STAB1: variants seen among roughly 807,000 people sequenced by gnomAD.
STAB1 encodes stabilin-1.
STAB1 carries 250 observed loss-of-function variants against 332.4 expected under a neutral mutation model. The observed-to-expected ratio is 0.75, with a 90% CI of 0.68 to 0.84. The LOEUF (loss-of-function observed/expected upper bound fraction) is 0.84, where lower values mean the gene tolerates loss of function less well. Ranked by LOEUF, STAB1 falls within the 40% of genes least tolerant of loss-of-function variation. The pLI, the probability that STAB1 is intolerant of heterozygous loss-of-function variation, is 0.00. For missense variants in STAB1, 3,249 were observed against 3,489.7 expected (o/e 0.93, Z 1.74); for synonymous variants, 1,475 against 1,390.4 (o/e 1.06, Z -1.35).
At position 52,512,947 on chromosome 3, in the gene STAB1, G is replaced by A. The variant is rs573347386; in HGVS notation, c.3147G>A (p.Pro1049=). Residue 1049 remains proline, a synonymous_variant, in exon 29 of 69, where the codon CCG becomes CCA. Coordinates refer to ENST00000321725, the MANE Select transcript of STAB1 (RefSeq NM_015136.3). The part of the protein sequence containing the change: ...RAFWLQPRTL[P]NLVRAHFLQG... ...TCTGGCTGCAGCCAAGGACGCTGCC[G>A]AACCTGGTCAGGTGGGGCCGCCATT... 2.4e-5 allele frequency: 38 copies of A among 1,609,822 alleles called. No individual in the cohort carries two copies. The highest frequency in any genetic ancestry group is 3.1e-5 in the Non-Finnish European group (36 of 1,178,552).
rs1708754094 is a variant in STAB1 at position 52,505,139 on chromosome 3, C to A, written c.1514C>A (p.Pro505His). 1.2e-6 allele frequency: 2 copies of A among 1,612,786 alleles called. No homozygotes were observed. The highest frequency in any genetic ancestry group is 1.7e-6 in the Non-Finnish European group (2 of 1,179,746). ...GCCCCCTCTGGGACCCCTGGGGATCCCAAGGTGAGCCAGCATCCTCCCCTC... is the reference window on the plus strand; with the variant it reads ...GCCCCCTCTGGGACCCCTGGGGATCACAAGGTGAGCCAGCATCCTCCCCTC... ...WQAPSGTPGD[P>H]KRTIGQILAS... The change falls in exon 13 of 69, where the codon CCC becomes CAC. Residue 505 changes from proline to histidine, a missense_variant. Pro to His is a moderately conservative substitution (Grantham distance 77). Coordinates refer to ENST00000321725, the MANE Select transcript of STAB1 (RefSeq NM_015136.3).
intron 36 of STAB1, 90 bp downstream of exon 36, chr3:52,515,135 T>C: frequency 6.6e-7 from 1 of 1,507,276 alleles, no homozygotes; most frequent in Non-Finnish European, 9.0e-7. Flanking sequence ...CAGCCCAGTT[T>C]TGCTTGGCCC....
rs1255159174 is a variant in STAB1 at position 52,511,754 on chromosome 3, G to A, written c.2883+9G>A. On this transcript the variant is annotated intron_variant, in intron 26 of 68. Transcript: ENST00000321725. Reference sequence around the variant, plus strand: ...GCGGCTGCCACGGCCTGGTAAGGGGGTGCAAGGCTCAGAGCCCTGGGGAAG... The same window carrying A: ...GCGGCTGCCACGGCCTGGTAAGGGGATGCAAGGCTCAGAGCCCTGGGGAAG... 5 of 1,571,864 alleles carry A rather than the reference G, an allele frequency of 3.2e-6. No individual in the cohort carries two copies. The highest frequency in any genetic ancestry group is 2.3e-5 in the East Asian group (1 of 43,098).
rs1439084197 is a variant in STAB1 at position 52,501,210 on chromosome 3, T to G, written c.123T>G (p.His41Gln). Reference sequence around the variant, plus strand: ...ATGTGAAAACCACGTTTGTCACTCATGTACCCTGCACCTCGTGCGCGGCCA... The same window carrying G: ...ATGTGAAAACCACGTTTGTCACTCAGGTACCCTGCACCTCGTGCGCGGCCA... The part of the protein sequence containing the change: ...GCDVKTTFVT[H>Q]VPCTSCAAIK... The change falls in exon 2 of 69, where the codon CAT becomes CAG. Residue 41 changes from histidine (H) to glutamine (Q), a missense_variant. Coordinates refer to ENST00000321725, the MANE Select transcript of STAB1 (RefSeq NM_015136.3). 2 of 1,613,644 alleles carry G rather than the reference T, an allele frequency of 1.2e-6. No homozygotes were observed. Among genetic ancestry groups the G allele is most frequent in the East Asian group, 2.2e-5 (1 of 44,882 alleles).
rs753063801 is a variant in STAB1, at chr3:52,510,210, C to T, written c.2603C>T (p.Pro868Leu). 242 of 1,614,036 alleles carry T rather than the reference C, an allele frequency of 1.5e-4. 1 individual carries two copies. Among genetic ancestry groups the T allele is most frequent in the East Asian group, 5.3e-4 (24 of 44,886 alleles). The change falls in exon 24 of 69, where the codon CCG (proline) becomes CTG (leucine). Residue 868 changes from proline (P) to leucine (L), a missense_variant. Transcript: ENST00000321725. ...ACACCTAGCAACCCCTGCTCCCACC[C>T]GGACCGTGGAGGCTGCTCAGAGAAT... ...SCTPSNPCSH[P>L]DRGGCSENAE...
At position 52,505,872 on chromosome 3, in the gene STAB1, TCC is replaced by T; in HGVS notation, c.1696-8_1696-7del. ...TCCTCCAGGAGCCAAACCCTCTCTC[TCC>T]CCTGCCAGGGTCTCTCTAAACTGCA... is the stretch of plus-strand genomic sequence containing the variant. On this transcript the variant is annotated splice_polypyrimidine_tract_variant and intron_variant, in intron 15 of 68. Transcript: ENST00000321725. The T allele has an allele frequency of 6.2e-7, 1 of 1,613,764 alleles. No homozygotes were observed. The highest frequency in any genetic ancestry group is 2.2e-5 in the East Asian group (1 of 44,880).
chr3:52,516,751 A>G lies in STAB1; in HGVS notation c.4346A>G (p.Asn1449Ser), dbSNP rs1371251792. Residue 1449 changes from asparagine to serine, a missense_variant, in exon 41 of 69, where the codon AAT (asparagine) becomes AGT (serine). Coordinates refer to ENST00000321725, the MANE Select transcript of STAB1 (RefSeq NM_015136.3). ...TCACAAGYSG[N>S]GIFCSEVDPC... ...GCCTGTGCTGCGGGATACTCCGGCA[A>G]TGGCATCTTCTGTTCAGGTCCAGCC... is the stretch of plus-strand genomic sequence containing the variant. 1.2e-6 allele frequency: 2 copies of G among 1,610,378 alleles called. No individual in the cohort carries two copies. Among genetic ancestry groups the G allele is most frequent in the African/African-American group, 1.3e-5 (1 of 74,836 alleles).
Position 52,514,798 on chromosome 3 carries a change from G to C in STAB1, c.3776G>C (p.Arg1259Pro). 6.2e-7 allele frequency: 1 copy of C among 1,612,778 alleles called. No individual in the cohort carries two copies. The highest frequency in any genetic ancestry group is 8.5e-7 in the Non-Finnish European group (1 of 1,179,972). The change falls in exon 35 of 69, where the codon CGC (arginine) becomes CCC (proline). Residue 1259 changes from arginine to proline, a missense_variant. Arg to Pro is a moderately radical substitution (Grantham distance 103). Transcript: ENST00000321725. Reference sequence around the variant, plus strand: ...GGGGTCCTGACGGTGGGCTCAAGTCGCTGCCTGCATAGCCACGCTGAGGCC... The same window carrying C: ...GGGGTCCTGACGGTGGGCTCAAGTCCCTGCCTGCATAGCCACGCTGAGGCC... ...LSGVLTVGSSRCLHSHAEALR... is the reference protein window; with the variant it reads ...LSGVLTVGSSPCLHSHAEALR...
intron 28 of STAB1, 67 bp downstream of exon 28, chr3:52,512,710 C>T (rs1360479692): frequency 9.9e-6 from 16 of 1,611,502 alleles, no homozygotes; most frequent in Non-Finnish European, 1.4e-5. Context: ...TGGAGGGGTG[C>T]CATATAACAT....
intron 18 of STAB1, among the ~76,000 whole-genome samples, chr3:52,507,097 T>A (rs901005964): frequency 2.0e-5 from 3 of 152,208 alleles, no homozygotes; most frequent in Non-Finnish European, 2.9e-5. Flanking sequence ...TAGGCTGGAG[T>A]GCAGTGGCAC....
chr3:52,508,294 T>A lies in STAB1; in HGVS notation c.2170T>A (p.Phe724Ile). The A allele has an allele frequency of 6.2e-7, 1 of 1,613,346 alleles. No individual in the cohort carries two copies. Among genetic ancestry groups the A allele is most frequent in the Non-Finnish European group, 8.5e-7 (1 of 1,179,526 alleles). ...ATAGGAACAAGGCTGCTGCAAAGGT[T>A]TTTTCGGGCCTGACTGCACGCAGTG... ...TIMEQGCCKG[F>I]FGPDCTQCPG... is the part of the protein sequence containing the mutation. The change falls in exon 21 of 69, where the codon TTT becomes ATT. Residue 724 changes from phenylalanine to isoleucine, a missense_variant. Phe to Ile is a conservative substitution (Grantham distance 21). Transcript: ENST00000321725.
At chr3:52,501,894 C>G in intron 3 of STAB1, 112 bp from the exon 4 acceptor site, 1 of 1,453,942 alleles carries the variant, frequency 6.9e-7, no homozygotes. Flanking sequence ...GCTCGGCCCC[C>G]TTGCTCTTGC....
chr3:52,522,223 C>T lies in STAB1; in HGVS notation c.6458C>T (p.Thr2153Ile). The T allele has an allele frequency of 6.2e-7, 1 of 1,612,550 alleles. No individual in the cohort carries two copies. The highest frequency in any genetic ancestry group is 8.5e-7 in the Non-Finnish European group (1 of 1,179,858). Residue 2153 changes from threonine to isoleucine, a missense_variant, in exon 59 of 69, where the codon ACC (threonine) becomes ATC (isoleucine). Physicochemically the swap from Thr to Ile is moderately conservative, Grantham distance 89. Transcript: ENST00000321725. Reference sequence around the variant, plus strand: ...AGCGAGCACGCCAACTGCTTGAGCACCGGCCTGGTGAGCAGGTGGGGGAAC... The same window carrying T: ...AGCGAGCACGCCAACTGCTTGAGCATCGGCCTGGTGAGCAGGTGGGGGAAC... The part of the protein sequence containing the change: ...GCSEHANCLS[T>I]GLNTRRCECH...
At chr3:52,502,562 A>G in intron 5 of STAB1, 70 bp from the exon 6 acceptor site, 1 of 1,354,496 alleles carries the variant, frequency 7.4e-7, no homozygotes, top group South Asian at 1.2e-5. Flanking sequence ...TACAGAGAGC[A>G]GGGACCCGAT....
intron 32 of STAB1, 51 bp downstream of exon 32, chr3:52,514,032 C>G (rs1392296455): frequency 6.3e-7 from 1 of 1,594,608 alleles, no homozygotes; most frequent in Non-Finnish European, 8.6e-7. Flanking sequence ...ACACTGTGCC[C>G]CAGGTCCAGA....
intron 9 of STAB1, 56 bp downstream of exon 9, chr3:52,503,958 G>A (rs1216146474): frequency 9.3e-6 from 15 of 1,611,554 alleles, no homozygotes; most frequent in Admixed American, 5.0e-5. Flanking sequence ...TGCCCTCTGC[G>A]GGAAGGCGTG....
chr3:52,495,900 G>T (rs900936052), intron 1 of STAB1, among the ~76,000 whole-genome samples: 1 of 152,198 alleles, frequency 6.6e-6, no homozygotes, highest in Non-Finnish European at 1.5e-5. Flanking sequence ...GCACATGTGT[G>T]TGCCTGTGTC....
rs751236028 is a variant in STAB1, at chr3:52,517,090, C to T, written c.4470C>T (p.Gly1490=). ...RTCTCQDGYM[G]DGELCQEINS... ...GCACCTGCCAGGATGGCTACATGGG[C>T]GACGGGGAGCTGTGCCAGGGTGAGA... The change falls in exon 42 of 69, where the codon GGC becomes GGT. Residue 1490 remains glycine, a synonymous_variant. Coordinates refer to ENST00000321725, the MANE Select transcript of STAB1 (RefSeq NM_015136.3). The T allele has an allele frequency of 1.8e-5, 28 of 1,566,508 alleles. No individual in the cohort carries two copies. The highest frequency in any genetic ancestry group is 6.0e-5 in the South Asian group (5 of 83,466).
intron 25 of STAB1, 104 bp from the exon 26 acceptor site, chr3:52,511,546 G>A: frequency 1.9e-6 from 2 of 1,072,346 alleles, no homozygotes; most frequent in Non-Finnish European, 2.7e-6. Context: ...CTGGGGTCTG[G>A]GCAGACCTCC....
Sources: allele counts gnomAD v4.1 joint callset (sites outside exome capture counted in the v4.1 genomes callset), GRCh38; gene constraint gnomAD v4.1.1; transcripts MANE v1.5; gene names NCBI Gene and HGNC (gene_info 2026-07-23, HGNC 2026-07-21).